SLC12A2: variants seen among roughly 807,000 people sequenced by gnomAD.
SLC12A2 encodes solute carrier family 12 member 2, also known as Na-K-2Cl cotransporter 1.
A neutral mutation model predicts 136.3 loss-of-function variants in SLC12A2; 67 were observed. The ratio of observed to expected loss-of-function variants is 0.49; its 90% CI spans 0.40 to 0.60. The LOEUF is 0.60. Among genes scored for constraint, SLC12A2 ranks in the 20% least tolerant of loss-of-function variants. SLC12A2 has a pLI of 0.00. For missense variants in SLC12A2, 1,322 were observed against 1,534.7 expected (o/e 0.86, Z 2.32); for synonymous variants, 619 against 562.9 (o/e 1.10, Z -1.41).
At chr5:128,146,629 C>T (rs1376443744) in intron 10 of SLC12A2, among the ~76,000 whole-genome samples, 2 of 151,234 alleles carry the variant, frequency 1.3e-5, no homozygotes, top group African/African-American at 4.8e-5. Flanking sequence ...CATTACCCAG[C>T]TTTATCAGTT....
chr5:128,152,261 G>T (rs1468510843), intron 14 of SLC12A2, among the ~76,000 whole-genome samples: 1 of 152,122 alleles, frequency 6.6e-6, no homozygotes, highest in East Asian at 1.9e-4. Flanking sequence ...ATTAACAAAT[G>T]TCTAAAATCA....
At chr5:128,127,946 T>C (rs1344563418) in intron 4 of SLC12A2, among the ~76,000 whole-genome samples, 1 of 152,136 alleles carries the variant, frequency 6.6e-6, no homozygotes, top group East Asian at 1.9e-4. Flanking sequence ...GCTTAGATTA[T>C]TGATATATCC....
chr5:128,158,841 C>A (rs1044755112), intron 16 of SLC12A2, among the ~76,000 whole-genome samples: 3 of 148,078 alleles, frequency 2.0e-5, no homozygotes, highest in African/African-American at 7.4e-5. Flanking sequence ...GTTTTCTTTT[C>A]TCTGCAACCT....
intron 15 of SLC12A2, among the ~76,000 whole-genome samples, chr5:128,154,290 A>G (rs766429856): frequency 6.6e-4 from 101 of 152,022 alleles, no homozygotes; most frequent in Non-Finnish European, 6.6e-4. Context: ...GCCAAGTATG[A>G]TGGTGCATAC....
intron 19 of SLC12A2, among the ~76,000 whole-genome samples, chr5:128,172,522 A>G (rs764212030): frequency 2.0e-5 from 3 of 152,314 alleles, no homozygotes; most frequent in Admixed American, 1.3e-4. Flanking sequence ...ACTTCCCACT[A>G]TGTACTTTGT....
rs1762167137 is a variant in SLC12A2, at chr5:128,135,719, T to G, written c.1319T>G (p.Val440Gly). 6.2e-7 allele frequency: 1 copy of G among 1,609,676 alleles called. No individual in the cohort carries two copies. The highest frequency in any genetic ancestry group is 1.3e-5 in the African/African-American group (1 of 74,812). Residue 440 changes from valine to glycine, a missense_variant, in exon 7 of 27, where the codon GTG becomes GGG. Around this residue, in one of 8 missense-constraint regions of SLC12A2, gnomAD observed 110 missense variants for 114.5 expected, o/e 0.96. Coordinates refer to ENST00000262461, the MANE Select transcript of SLC12A2 (RefSeq NM_001046.3). Reference sequence around the variant, plus strand: ...TTGCAGGCTCAGATTGTTCTTTTGGTGATCCTACTTCTTGCTATTGGTGAT... The same window carrying G: ...TTGCAGGCTCAGATTGTTCTTTTGGGGATCCTACTTCTTGCTATTGGTGAT... ...WEAKAQIVLL[V>G]ILLLAIGDFV...
intron 4 of SLC12A2, among the ~76,000 whole-genome samples, chr5:128,117,733 A>G (rs1302582157): frequency 6.6e-6 from 1 of 152,208 alleles, no homozygotes; most frequent in Non-Finnish European, 1.5e-5. Flanking sequence ...ACCTAATTAA[A>G]CTAAAAAGCT....
At chr5:128,175,389 C>A (rs1763505682) in intron 20 of SLC12A2, among the ~76,000 whole-genome samples, 1 of 151,952 alleles carries the variant, frequency 6.6e-6, no homozygotes, top group African/African-American at 2.4e-5. Flanking sequence ...CTTTTCAGTT[C>A]TTTGCTGACT....
At chr5:128,146,191 G>A (rs1485022663) in intron 10 of SLC12A2, among the ~76,000 whole-genome samples, 1 of 151,862 alleles carries the variant, frequency 6.6e-6, no homozygotes, top group Non-Finnish European at 1.5e-5. Context: ...TCATTTTGAA[G>A]TATTTAATGC....
rs182845655 is a variant in SLC12A2 at position 128,094,715 on chromosome 5, T to G, written c.756+10005T>G. On this transcript the variant is annotated intron_variant, in intron 1 of 26. Coordinates refer to ENST00000262461, the MANE Select transcript of SLC12A2 (RefSeq NM_001046.3). ...AGTTTCTTATACATGGAATCTTAGT[T>G]TTTTGTATTTCCTCTGCCATCCCCT... Among the ~76,000 whole-genome samples, 453 of 152,268 alleles carry G rather than the reference T, an allele frequency of 3.0e-3. 3 individuals are homozygous for G. The highest frequency in any genetic ancestry group is 0.01 in the African/African-American group (435 of 41,558).
In SLC12A2 at chr5:128,163,664, T is replaced by C. The variant is rs114687713; in HGVS notation, c.2616+1864T>C. Among the ~76,000 whole-genome samples the C allele has an allele frequency of 7.6e-3, 1,161 of 152,308 alleles. 16 individuals carry two copies. Among genetic ancestry groups the C allele is most frequent in the African/African-American group, 0.026 (1,087 of 41,572 alleles). ...TCTATACAGTGGTGAAGAGGAGCTA[T>C]ATATATCAACATGGATACACCTCAG... On this transcript the variant is annotated intron_variant, in intron 17 of 26. Coordinates refer to ENST00000262461, the MANE Select transcript of SLC12A2 (RefSeq NM_001046.3).
intron 1 of SLC12A2, among the ~76,000 whole-genome samples, chr5:128,091,442 G>T (rs1248376033): frequency 6.6e-6 from 1 of 152,164 alleles, no homozygotes; most frequent in Non-Finnish European, 1.5e-5. Context: ...TGCTCTTCAG[G>T]TAAAACCATG....
At position 128,141,936 on chromosome 5, in the gene SLC12A2, T is replaced by G. The variant is rs1418354874; in HGVS notation, c.1728T>G (p.Ser576=). The G allele has an allele frequency of 6.2e-7, 1 of 1,613,930 alleles. No homozygotes were observed. The highest frequency in any genetic ancestry group is 8.5e-7 in the Non-Finnish European group (1 of 1,179,968). The change falls in exon 10 of 27, where the codon TCT becomes TCG. Residue 576 remains serine (S), a synonymous_variant. Coordinates refer to ENST00000262461, the MANE Select transcript of SLC12A2 (RefSeq NM_001046.3). ...GCAAATTAAACTTTGATTTTTCATC[T>G]TGTGAAAGCAGTCCTTGTTCCTATG... ...AACKLNFDFS[S]CESSPCSYGL... is the part of the protein sequence containing the mutation.
chr5:128,184,595 A>T, intron 25 of SLC12A2, 94 bp downstream of exon 25: 1 of 1,308,084 alleles, frequency 7.6e-7, no homozygotes, highest in Non-Finnish European at 1.0e-6. Context: ...TCAGTTGTAT[A>T]AATGAACTCT....
intron 1 of SLC12A2, chr5:128,110,201 G>A (rs976576900): frequency 8.7e-6 from 7 of 808,960 alleles, no homozygotes; most frequent in Non-Finnish European, 1.3e-5. Flanking sequence ...TGGCAGACTG[G>A]CCTTTGCTTT....
At chr5:128,121,401 C>T (rs1390950641) in intron 4 of SLC12A2, among the ~76,000 whole-genome samples, 1 of 152,062 alleles carries the variant, frequency 6.6e-6, no homozygotes, top group Non-Finnish European at 1.5e-5. Flanking sequence ...CGGCTCACTG[C>T]AAGCTCTGCC....
rs900283352 is a variant in SLC12A2 at position 128,083,771 on chromosome 5, C to T, written c.-184C>T. The stretch of plus-strand genomic sequence containing the variant: ...GGGCCCGCCCCGCGCCCGCCACACT[C>T]GCGCGCTCGCTCGGCTGCCGGTGGC... On this transcript the variant is annotated 5_prime_UTR_variant, in exon 1 of 27. Transcript: ENST00000262461. 7 of 390,886 alleles carry T rather than the reference C, an allele frequency of 1.8e-5. No homozygotes were observed. The highest frequency in any genetic ancestry group is 3.0e-5 in the Non-Finnish European group (7 of 230,242). 24.2% of individuals were successfully genotyped at this position (390,886 alleles called of 1,614,324 possible). A position where few individuals can be genotyped will look rare whatever the true frequency, so the allele number is the denominator to read the frequency against.
chr5:128,171,855 C>T (rs535220885), intron 19 of SLC12A2, 109 bp downstream of exon 19: 10 of 665,160 alleles, frequency 1.5e-5, no homozygotes, highest in East Asian at 1.1e-4. Flanking sequence ...AATTATGTAT[C>T]GTGGACTTAT....
chr5:128,140,899 A>G (rs1358952527), intron 9 of SLC12A2, among the ~76,000 whole-genome samples: 1 of 150,980 alleles, frequency 6.6e-6, no homozygotes, highest in Admixed American at 6.6e-5. Context: ...AGAACTGTAT[A>G]GTCTGCCTAG....
Sources: gnomAD v4.1 joint callset for allele counts (sites outside exome capture counted in the v4.1 genomes callset) on GRCh38, gnomAD v4.1.1 for gene constraint, gnomAD v4.1.1 regional missense constraint, MANE v1.5 for transcripts, NCBI Gene and HGNC (gene_info 2026-07-23, HGNC 2026-07-21) for gene names.